The following CTNNA1 variants were observed in gnomAD, a reference collection of about 807,000 sequenced individuals.
CTNNA1 encodes catenin alpha 1, also known as catenin alpha-1.
A neutral mutation model predicts 98.4 loss-of-function variants in CTNNA1; 37 were observed. The observed-to-expected ratio is 0.38, with a 90% CI of 0.29 to 0.49. CTNNA1 has a LOEUF of 0.49. Among genes scored for constraint, CTNNA1 ranks in the 20% least tolerant of loss-of-function variants. CTNNA1 has a pLI of 0.95. For synonymous variants in CTNNA1, 404 were observed against 413.2 expected, an observed-to-expected ratio of 0.98 and a Z score of 0.27; for missense variants, 761 against 1,147.2, an observed-to-expected ratio of 0.66 and a Z score of 4.86.
intron 7 of CTNNA1, among the ~76,000 whole-genome samples, chr5:138,860,697 T>C (rs960497054): frequency 7.9e-5 from 12 of 152,154 alleles, no homozygotes; most frequent in South Asian, 2.1e-4. Context: ...GGTTTCACCG[T>C]GTTGCCCCGG....
chr5:138,819,213 G>A (rs73790367), intron 5 of CTNNA1, among the ~76,000 whole-genome samples: 5,460 of 152,160 alleles, frequency 0.036, 262 homozygotes, highest in African/African-American at 0.11. Context: ...CTAGGCCCCC[G>A]GATGGTGGAG....
At chr5:138,850,211 G>A (rs1034256411) in intron 7 of CTNNA1, among the ~76,000 whole-genome samples, 3 of 152,088 alleles carry the variant, frequency 2.0e-5, no homozygotes, top group African/African-American at 4.8e-5. Flanking sequence ...CAAACCATCC[G>A]CAATTTGTGC....
At chr5:138,787,080 G>T (rs1220802920) in intron 3 of CTNNA1, among the ~76,000 whole-genome samples, 2 of 152,092 alleles carry the variant, frequency 1.3e-5, no homozygotes, top group Non-Finnish European at 2.9e-5. Flanking sequence ...TTTAGGATGG[G>T]GGTTGGTAAA....
intron 7 of CTNNA1, chr5:138,828,276 T>TG (rs1760924910): frequency 6.5e-6 from 1 of 153,214 alleles, no homozygotes; most frequent in South Asian, 2.0e-4. Flanking sequence ...AGTAGATAAT[T>TG]GCCAAGTAGA....
chr5:138,769,467 C>T (rs1753285259), intron 1 of CTNNA1, among the ~76,000 whole-genome samples: 2 of 152,156 alleles, frequency 1.3e-5, no homozygotes, highest in South Asian at 4.1e-4. Flanking sequence ...CGGCTCACTG[C>T]AACCTCCGCC....
chr5:138,876,661 T>G (rs963802739), intron 7 of CTNNA1, among the ~76,000 whole-genome samples: 1 of 152,230 alleles, frequency 6.6e-6, no homozygotes, highest in Non-Finnish European at 1.5e-5. Flanking sequence ...CTACTGATGG[T>G]GTCTGTGAAA....
intron 11 of CTNNA1, among the ~76,000 whole-genome samples, chr5:138,921,731 G>C (rs772891394): frequency 1.3e-5 from 2 of 151,058 alleles, no homozygotes; most frequent in Non-Finnish European, 2.9e-5. Flanking sequence ...CTCCTGAGTA[G>C]CTGGGATTAC....
intron 7 of CTNNA1, among the ~76,000 whole-genome samples, chr5:138,843,366 A>AGTAG (rs1432691515): frequency 6.6e-6 from 1 of 152,054 alleles, no homozygotes; most frequent in Non-Finnish European, 1.5e-5. Context: ...TGGTTAGTTG[A>AGTAG]GTAGGTGTTA....
intron 1 of CTNNA1, among the ~76,000 whole-genome samples, chr5:138,775,421 C>A (rs988398025): frequency 2.0e-5 from 3 of 152,156 alleles, no homozygotes; most frequent in Non-Finnish European, 4.4e-5. Context: ...GCAAATTCAT[C>A]TACCTTCAAT....
At chr5:138,882,975 C>T (rs138539179) in intron 7 of CTNNA1, among the ~76,000 whole-genome samples, 4 of 152,238 alleles carry the variant, frequency 2.6e-5, no homozygotes, top group African/African-American at 9.6e-5. Context: ...ATTACAGGCA[C>T]ATGCCACCAC....
At chr5:138,809,534 A>G (rs777851611) in intron 3 of CTNNA1, among the ~76,000 whole-genome samples, 4 of 152,162 alleles carry the variant, frequency 2.6e-5, no homozygotes, top group Admixed American at 1.3e-4. Flanking sequence ...GAATGAATCA[A>G]TGGCTGAGCT....
At chr5:138,882,514 G>A (rs1277501741) in intron 7 of CTNNA1, among the ~76,000 whole-genome samples, 1 of 152,170 alleles carries the variant, frequency 6.6e-6, no homozygotes, top group Non-Finnish European at 1.5e-5. Context: ...TATCTAAGAA[G>A]TATGGTGGGA....
chr5:138,865,961 A>T (rs1266938513), intron 7 of CTNNA1, among the ~76,000 whole-genome samples: 1 of 152,170 alleles, frequency 6.6e-6, no homozygotes, highest in Non-Finnish European at 1.5e-5. Context: ...GTTTTTGTTC[A>T]TCACAAGAGG....
At position 138,886,213 on chromosome 5, in the gene CTNNA1, C is replaced by G; in HGVS notation, c.1064C>G (p.Ala355Gly). The G allele has an allele frequency of 6.2e-7, 1 of 1,608,070 alleles. No individual in the cohort carries two copies. Among genetic ancestry groups the G allele is most frequent in the Admixed American group, 1.7e-5 (1 of 58,442 alleles). Residue 355 changes from alanine to glycine, a missense_variant and splice_region_variant, in exon 8 of 18, where the codon GCT becomes GGT. Coordinates refer to ENST00000302763, the MANE Select transcript of CTNNA1 (RefSeq NM_001903.5). ...QDLLSEYMGNAGRKERSDALN... is the reference protein window; with the variant it reads ...QDLLSEYMGNGGRKERSDALN... Reference sequence around the variant, plus strand: ...CTCATCTCTTTTCCTTTTATCCAGGCTGGACGTAAAGAAAGAAGTGATGCA... The same window carrying G: ...CTCATCTCTTTTCCTTTTATCCAGGGTGGACGTAAAGAAAGAAGTGATGCA...
At chr5:138,827,440 A>G in intron 6 of CTNNA1, 75 bp from the exon 7 acceptor site, 1 of 1,509,012 alleles carries the variant, frequency 6.6e-7, no homozygotes. Flanking sequence ...TGATATTACT[A>G]ATAACACTTT....
intron 10 of CTNNA1, among the ~76,000 whole-genome samples, chr5:138,916,192 G>A (rs781749818): frequency 0.018 from 1,594 of 90,196 alleles, 3 homozygotes; most frequent in African/African-American, 0.049. Context: ...AAAAAAAAAA[G>A]AAGGGGCTAA....
At chr5:138,788,541 T>G (rs768009992) in intron 3 of CTNNA1, among the ~76,000 whole-genome samples, 3 of 152,150 alleles carry the variant, frequency 2.0e-5, no homozygotes, top group Non-Finnish European at 4.4e-5. Flanking sequence ...TCCAGGACAT[T>G]TTTATCATCC....
In CTNNA1 at chr5:138,874,562, G is replaced by A; in HGVS notation, c.1063-11650G>A. 1 of 1,499,982 alleles carries A rather than the reference G, an allele frequency of 6.7e-7. No homozygotes were observed. Among genetic ancestry groups the A allele is most frequent in the Non-Finnish European group, 9.0e-7 (1 of 1,111,330 alleles). The allele number at this position is 1,499,982 out of a possible 1,614,324, so 92.9% of individuals were successfully genotyped here. On this transcript the variant is annotated intron_variant, in intron 7 of 17. Transcript: ENST00000302763. This position sits in a 1 kb window ranked among gnomAD's most constrained non-coding sequence, Gnocchi z 4.1. The stretch of plus-strand genomic sequence containing the variant: ...TGGCCACTTGAAATGTAAGCCTGCA[G>A]AATATAATTTAAGGAAAACAAGAAG...
chr5:138,834,354 T>A (rs1761568223), intron 7 of CTNNA1, among the ~76,000 whole-genome samples: 1 of 152,244 alleles, frequency 6.6e-6, no homozygotes. Flanking sequence ...TCTGTGTATA[T>A]GTACACTTAT....
Sources: allele counts gnomAD v4.1 joint callset (sites outside exome capture counted in the v4.1 genomes callset), GRCh38; gene constraint gnomAD v4.1.1; non-coding constraint Gnocchi (gnomAD v3.1); transcripts MANE v1.5; gene names NCBI Gene and HGNC (gene_info 2026-07-23, HGNC 2026-07-21).